The following TJP1 variants were observed in gnomAD, a reference collection of about 807,000 sequenced individuals.
The protein encoded by TJP1 is tight junction protein ZO-1.
In TJP1, 43 loss-of-function variants were observed where a neutral mutation model predicts 194.2. The observed-to-expected ratio is 0.22, with a 90% confidence interval of 0.17 to 0.29. The LOEUF is 0.29. Ranked by LOEUF, TJP1 falls within the 10% of genes least tolerant of loss-of-function variation. The pLI is 1.00. For missense variants in TJP1, 1,971 were observed against 2,185.7 expected (o/e 0.90, Z 1.96); for synonymous variants, 801 against 779.0 (o/e 1.03, Z -0.47).
At chr15:29,725,685 A>G (rs2151184920) in intron 18 of TJP1, among the ~76,000 whole-genome samples, 1 of 152,356 alleles carries the variant, frequency 6.6e-6, no homozygotes, top group South Asian at 2.1e-4. Context: ...AGAAAGACTG[A>G]CAATAGAAAG....
At chr15:29,796,661 T>C (rs982727470) in intron 2 of TJP1, among the ~76,000 whole-genome samples, 3 of 152,178 alleles carry the variant, frequency 2.0e-5, no homozygotes, top group African/African-American at 7.2e-5. Flanking sequence ...GGAAGGAAGA[T>C]AAAAGTTGAC....
At chr15:29,819,809 C>G (rs1453102470) in intron 1 of TJP1, among the ~76,000 whole-genome samples, 3 of 152,138 alleles carry the variant, frequency 2.0e-5, no homozygotes, top group Non-Finnish European at 4.4e-5. Context: ...CAGTAGCTCA[C>G]CAATATTTGT....
intron 2 of TJP1, among the ~76,000 whole-genome samples, chr15:29,831,893 G>A (rs971553860): frequency 2.6e-5 from 4 of 152,188 alleles, no homozygotes; most frequent in Non-Finnish European, 5.9e-5. Flanking sequence ...TGAATCAGGC[G>A]ATGAGCACAT....
chr15:29,786,429 G>C (rs118021277), intron 2 of TJP1, among the ~76,000 whole-genome samples: 135 of 152,160 alleles, frequency 8.9e-4, no homozygotes, highest in Middle Eastern at 3.4e-3. Flanking sequence ...TTACTTTATT[G>C]CATGTATAGA....
chr15:29,816,982 CT>C (rs1474257454), intron 1 of TJP1, among the ~76,000 whole-genome samples: 1 of 152,166 alleles, frequency 6.6e-6, no homozygotes, highest in Non-Finnish European at 1.5e-5. Flanking sequence ...AACTAAAGAG[CT>C]TCTGCACAGC....
chr15:29,779,969 A>T (rs896046290), intron 2 of TJP1, among the ~76,000 whole-genome samples: 6 of 150,116 alleles, frequency 4.0e-5, no homozygotes, highest in African/African-American at 1.2e-4. Flanking sequence ...AAACAAACAA[A>T]ATCCTCCCCG....
chr15:29,901,660 A>G (rs2053638025), intron 2 of TJP1, among the ~76,000 whole-genome samples: 1 of 152,064 alleles, frequency 6.6e-6, no homozygotes, highest in African/African-American at 2.4e-5. Flanking sequence ...CATCTCTACT[A>G]AAAATACAAA....
chr15:29,937,233 A>C (rs2054915764), intron 2 of TJP1, among the ~76,000 whole-genome samples: 1 of 152,230 alleles, frequency 6.6e-6, no homozygotes, highest in Non-Finnish European at 1.5e-5. Context: ...GGCAAAAACA[A>C]ATTAAAAAAG....
At chr15:29,833,881 A>ATATATTTTTTTTTTTTTTT (rs1555434000) in intron 2 of TJP1, among the ~76,000 whole-genome samples, 1 of 12,616 alleles carries the variant, frequency 7.9e-5, no homozygotes, top group African/African-American at 3.0e-4. Flanking sequence ...ATATATATAT[A>ATATATTTTTTTTTTTTTTT]TTTTTTTTTT....
At chr15:29,721,175 G>C (rs774566501) in intron 18 of TJP1, among the ~76,000 whole-genome samples, 5 of 152,204 alleles carry the variant, frequency 3.3e-5, no homozygotes, top group Non-Finnish European at 7.3e-5. Context: ...ATATATTTAT[G>C]TTTAGGAAAC....
intron 2 of TJP1, among the ~76,000 whole-genome samples, chr15:29,851,252 A>C (rs1179835714): frequency 1.3e-5 from 2 of 152,090 alleles, no homozygotes; most frequent in East Asian, 3.8e-4. Flanking sequence ...ACAGAAACAA[A>C]AAGCAAGGAA....
upstream of TJP1, among the ~76,000 whole-genome samples, chr15:29,826,814 T>C (rs976666420): frequency 1.3e-5 from 2 of 152,060 alleles, no homozygotes; most frequent in Non-Finnish European, 2.9e-5. Flanking sequence ...GGGCTTGCAG[T>C]TGGGGTTTAA....
intron 2 of TJP1, among the ~76,000 whole-genome samples, chr15:29,927,362 G>A (rs891868186): frequency 2.0e-5 from 3 of 151,988 alleles, no homozygotes; most frequent in African/African-American, 7.2e-5. Context: ...ATATATCCAA[G>A]TACATCATAA....
intron 2 of TJP1, among the ~76,000 whole-genome samples, chr15:29,791,202 A>G (rs1035548280): frequency 6.6e-6 from 1 of 151,246 alleles, no homozygotes; most frequent in Non-Finnish European, 1.5e-5. Context: ...AATTTTTTGT[A>G]TTTTAGTAGA....
chr15:29,866,442 T>C (rs1455608466), intron 2 of TJP1, among the ~76,000 whole-genome samples: 1 of 152,244 alleles, frequency 6.6e-6, no homozygotes, highest in African/African-American at 2.4e-5. Flanking sequence ...ACATCATTTC[T>C]GTATTTGAAC....
intron 2 of TJP1, among the ~76,000 whole-genome samples, chr15:29,776,860 T>A (rs2047047018): frequency 6.6e-6 from 1 of 152,228 alleles, no homozygotes; most frequent in South Asian, 2.1e-4. Flanking sequence ...AATTTTGTTT[T>A]AAAAATCAGT....
At chr15:29,710,759 T>C in intron 24 of TJP1, 72 bp downstream of exon 24, 1 of 1,585,698 alleles carries the variant, frequency 6.3e-7, no homozygotes, top group Non-Finnish European at 8.6e-7. Context: ...AAAAACCATT[T>C]TGCCTAGAAA....
At chr15:29,936,513 G>A (rs1357657045) in intron 2 of TJP1, among the ~76,000 whole-genome samples, 2 of 152,058 alleles carry the variant, frequency 1.3e-5, no homozygotes, top group East Asian at 3.9e-4. Flanking sequence ...CATCTACAGG[G>A]CCACCCGCCG....
At chr15:29,842,313 A>G (rs785454) in intron 2 of TJP1, among the ~76,000 whole-genome samples, 1 of 152,076 alleles carries the variant, frequency 6.6e-6, no homozygotes, top group Non-Finnish European at 1.5e-5. Flanking sequence ...TACATTTAAG[A>G]AAGATTAATA....
Sources: gnomAD v4.1 joint callset for allele counts (sites outside exome capture counted in the v4.1 genomes callset) on GRCh38, gnomAD v4.1.1 for gene constraint, MANE v1.5 for transcripts, NCBI Gene and HGNC (gene_info 2026-07-23, HGNC 2026-07-21) for gene names.